Variants in NFKBIA observed in about 807,000 individuals in gnomAD.
The protein encoded by NFKBIA is NF-kappa-B inhibitor alpha.
In NFKBIA, 10 loss-of-function variants were observed where a neutral mutation model predicts 36.3. The ratio of observed to expected loss-of-function variants is 0.28; its 90% CI spans 0.17 to 0.47. The LOEUF (loss-of-function observed/expected upper bound fraction) is 0.47. Ranked by LOEUF, NFKBIA falls within the 20% of genes least tolerant of loss-of-function variation. The pLI, the probability that NFKBIA is intolerant of heterozygous loss-of-function variation, is 0.99. For synonymous variants in NFKBIA, 205 were observed against 164.4 expected (o/e 1.25, Z -1.89); for missense variants, 355 against 399.3 (o/e 0.89, Z 0.94).
chr14:35,401,979 T>C lies in NFKBIA; in HGVS notation c.*34A>G. On this transcript the variant is annotated 3_prime_UTR_variant, in exon 6 of 6. Transcript: ENST00000216797. ...AAATAAAACTTTTTTTTTGTACAAA[T>C]ATACAAGTCCATGTTCTTTCAGCCC... 1.2e-6 allele frequency: 2 copies of C among 1,610,830 alleles called. No individual in the cohort carries two copies. Among genetic ancestry groups the C allele is most frequent in the Non-Finnish European group, 1.7e-6 (2 of 1,177,382 alleles).
At chr14:35,403,820 A>C in intron 1 of NFKBIA, 22 bp from the exon 2 acceptor site, 1 of 1,577,254 alleles carries the variant, frequency 6.3e-7, no homozygotes, top group Non-Finnish European at 8.7e-7. Flanking sequence ...AGAGGGAAAA[A>C]CCCCAGGGGT....
In NFKBIA at chr14:35,404,542, C is replaced by T; in HGVS notation, c.103G>A (p.Asp35Asn). ...TCGTACTCCTCGTCTTTCATGGAGT[C>T]CAGGCCGCTGTCGTGGCGGTCGTCC... is the stretch of plus-strand genomic sequence containing the variant. ...LLDDRHDSGL[D>N]SMKDEEYEQM... Residue 35 changes from aspartate to asparagine, a missense_variant, in exon 1 of 6, where the codon GAC becomes AAC. Coordinates refer to ENST00000216797, the MANE Select transcript of NFKBIA (RefSeq NM_020529.3). 1.2e-6 allele frequency: 2 copies of T among 1,601,524 alleles called. No individual in the cohort carries two copies. The highest frequency in any genetic ancestry group is 1.7e-6 in the Non-Finnish European group (2 of 1,174,886).
intron 1 of NFKBIA, 160 bp downstream of exon 1, chr14:35,404,258 G>C: frequency 2.4e-6 from 1 of 423,580 alleles, no homozygotes; most frequent in Non-Finnish European, 3.8e-6. Context: ...CTGCAGCCCT[G>C]CAGCGTTCGG....
At chr14:35,403,979 C>G (rs2052758905) in intron 1 of NFKBIA, 181 bp from the exon 2 acceptor site, 1 of 623,750 alleles carries the variant, frequency 1.6e-6, no homozygotes, top group Non-Finnish European at 2.9e-6. Flanking sequence ...TTCCGCCCCC[C>G]TCCCCCCGCG....
chr14:35,403,677 G>A lies in NFKBIA; in HGVS notation c.336+13C>T. On this transcript the variant is annotated intron_variant, in intron 2 of 5. Transcript: ENST00000216797. Reference sequence around the variant, plus strand: ...CAGGGTCAGAGAGAACCCGGGCCAGGCAAGCGGCGCACCTGCTGCAGGTTG... The same window carrying A: ...CAGGGTCAGAGAGAACCCGGGCCAGACAAGCGGCGCACCTGCTGCAGGTTG... 4 of 1,596,324 alleles carry A rather than the reference G, an allele frequency of 2.5e-6. No individual in the cohort carries two copies. The highest frequency in any genetic ancestry group is 3.4e-6 in the Non-Finnish European group (4 of 1,164,972).
rs1229730339 is a variant in NFKBIA at position 35,402,038 on chromosome 14, AAC to A, written c.927_928del (p.Phe310TrpfsTer30). The A allele has an allele frequency of 1.9e-6, 3 of 1,614,132 alleles. No individual in the cohort carries two copies. Among genetic ancestry groups the A allele is most frequent in the Non-Finnish European group, 2.5e-6 (3 of 1,180,026 alleles). On this transcript the variant is annotated frameshift_variant, in exon 6 of 6. Coordinates refer to ENST00000216797, the MANE Select transcript of NFKBIA (RefSeq NM_020529.3). LOFTEE classifies it high-confidence loss of function. ...TCATAACGTCAGACGCTGGCCTCCA[AAC>A]ACACAGTCATCATAGGGCAGCTGAA...
intron 1 of NFKBIA, 104 bp downstream of exon 1, chr14:35,404,314 T>A (rs2052765083): frequency 1.2e-6 from 1 of 821,236 alleles, no homozygotes; most frequent in Non-Finnish European, 1.7e-6. Context: ...CCCGGCTGCA[T>A]CGCTGGTCCC....
chr14:35,404,564 G>A lies in NFKBIA; in HGVS notation c.81C>T (p.Asp27=), dbSNP rs1957106. 457,774 of 1,591,188 alleles carry A rather than the reference G, an allele frequency of 0.29. 68,258 individuals carry two copies. The highest frequency in any genetic ancestry group is 0.32 in the South Asian group (28,236 of 88,144). ...AGTCCAGGCCGCTGTCGTGGCGGTC[G>A]TCCAGTAGCCGCTCCTTCTTCAGCC... ...RDGLKKERLL[D]DRHDSGLDSM... The change falls in exon 1 of 6, where the codon GAC becomes GAT. Residue 27 remains aspartate, a synonymous_variant. Coordinates refer to ENST00000216797, the MANE Select transcript of NFKBIA (RefSeq NM_020529.3).
rs760886864 is a variant in NFKBIA at position 35,404,654 on chromosome 14, G to A, written c.-10C>T. Reference sequence around the variant, plus strand: ...CGGCCGCCTGGAACATGGCGCGGACGAGCTGCGGGCGCTGCTGCGGGTGCG... The same window carrying A: ...CGGCCGCCTGGAACATGGCGCGGACAAGCTGCGGGCGCTGCTGCGGGTGCG... On this transcript the variant is annotated 5_prime_UTR_variant, in exon 1 of 6. Transcript: ENST00000216797. 17 of 1,470,736 alleles carry A rather than the reference G, an allele frequency of 1.2e-5. 1 individual carries two copies. The South Asian group carries it at 2.0e-4, about 17-fold the overall frequency. The allele number at this position is 1,470,736 out of a possible 1,614,324, so 91.1% of individuals were successfully genotyped here.
intron 1 of NFKBIA, 87 bp downstream of exon 1, chr14:35,404,331 C>T (rs1339827656): frequency 2.0e-6 from 2 of 995,958 alleles, no homozygotes; most frequent in East Asian, 3.8e-5. Flanking sequence ...TCCCCCGGCT[C>T]GGGCTCCAGG....
At chr14:35,404,303 G>T in intron 1 of NFKBIA, 115 bp downstream of exon 1, 1 of 704,792 alleles carries the variant, frequency 1.4e-6, no homozygotes, top group Non-Finnish European at 2.0e-6. Context: ...CGCGGCGCCC[G>T]CCCGGCTGCA....
intron 1 of NFKBIA, 54 bp from the exon 2 acceptor site, chr14:35,403,852 C>T (rs1267325777): frequency 3.0e-6 from 4 of 1,351,250 alleles, no homozygotes; most frequent in Non-Finnish European, 4.2e-6. Context: ...CGCGTGGGGC[C>T]CAGGGAGGCG....
chr14:35,404,163 TG>T (rs146131585), intron 1 of NFKBIA: 1 of 328,972 alleles, frequency 3.0e-6, no homozygotes, highest in Non-Finnish European at 5.6e-6. Context: ...AGGACGGGTC[TG>T]GGGGGAGGGG....
chr14:35,403,998 G>T (rs1243964406), intron 1 of NFKBIA, 200 bp from the exon 2 acceptor site: 6 of 599,676 alleles, frequency 1.0e-5, no homozygotes, highest in Non-Finnish European at 1.8e-5. Context: ...CGGCCCCGGC[G>T]GGCGCCGGCC....
chr14:35,401,950 A>T lies in NFKBIA; in HGVS notation c.*63T>A, dbSNP rs2052730651. The T allele has an allele frequency of 6.3e-7, 1 of 1,586,288 alleles. No homozygotes were observed. The highest frequency in any genetic ancestry group is 1.7e-5 in the Admixed American group (1 of 59,422). ...ATTTTTTCTTCTTTTTTCTTTTTTT[A>T]GAAAAATAAAACTTTTTTTTTGTAC... On this transcript the variant is annotated 3_prime_UTR_variant, in exon 6 of 6. Transcript: ENST00000216797.
At position 35,404,510 on chromosome 14, in the gene NFKBIA, C is replaced by T; in HGVS notation, c.135G>A (p.Met45Ile). The T allele has an allele frequency of 2.5e-6, 4 of 1,604,560 alleles. No individual in the cohort carries two copies. Among genetic ancestry groups the T allele is most frequent in the Non-Finnish European group, 3.4e-6 (4 of 1,176,016 alleles). Residue 45 changes from methionine to isoleucine, a missense_variant, in exon 1 of 6, where the codon ATG becomes ATA. Met to Ile is a conservative substitution (Grantham distance 10, BLOSUM62 1). Transcript: ENST00000216797. Reference protein sequence around the residue: ...DSMKDEEYEQMVKELQEIRLE... With the variant: ...DSMKDEEYEQIVKELQEIRLE... ...GGCGGATCTCCTGCAGCTCCTTGAC[C>T]ATCTGCTCGTACTCCTCGTCTTTCA...
intron 1 of NFKBIA, 177 bp from the exon 2 acceptor site, chr14:35,403,975 C>G: frequency 1.6e-6 from 1 of 624,968 alleles, no homozygotes; most frequent in Non-Finnish European, 2.9e-6. Context: ...GACTTTCCGC[C>G]CCCCTCCCCC....
intron 3 of NFKBIA, 57 bp from the exon 4 acceptor site, chr14:35,402,916 C>T: frequency 6.6e-7 from 1 of 1,510,014 alleles, no homozygotes; most frequent in Non-Finnish European, 9.2e-7. Context: ...ACTCCTTTCA[C>T]CTATTCTTTT....
chr14:35,404,184 G>A (rs916456067), intron 1 of NFKBIA: 2 of 326,490 alleles, frequency 6.1e-6, no homozygotes, highest in Non-Finnish European at 1.1e-5. Context: ...GGCGTGTGGC[G>A]ACGCTGCCAT....
Sources: allele counts gnomAD v4.1 joint callset, GRCh38; gene constraint gnomAD v4.1.1; transcripts MANE v1.5; gene names NCBI Gene and HGNC (gene_info 2026-07-23, HGNC 2026-07-21).